The following ERBB4 variants were observed in gnomAD, a reference collection of about 807,000 sequenced individuals.
ERBB4 encodes receptor tyrosine-protein kinase erbB-4.
Under a neutral mutation model 158.0 loss-of-function variants are expected in ERBB4, and 42 were observed. That is an observed-to-expected ratio of 0.27 (90% CI 0.21 to 0.34). ERBB4 has a LOEUF of 0.34. Ranked by LOEUF, ERBB4 falls within the 10% of genes least tolerant of loss-of-function variation. ERBB4 has a pLI of 1.00. For synonymous variants in ERBB4, 583 were observed against 558.7 expected (o/e 1.04, Z -0.61); for missense variants, 1,333 against 1,624.1 (o/e 0.82, Z 3.08).
chr2:212,003,578 C>T (rs72937707), intron 2 of ERBB4, among the ~76,000 whole-genome samples: 1,924 of 152,194 alleles, frequency 0.013, 26 homozygotes, highest in Non-Finnish European at 0.019. Context: ...AGAGGCTACA[C>T]CCTTTACAAT....
intron 1 of ERBB4, among the ~76,000 whole-genome samples, chr2:212,366,395 T>A (rs567593443): frequency 6.6e-6 from 1 of 151,902 alleles, no homozygotes; most frequent in African/African-American, 2.4e-5. Context: ...ATAAAAATTA[T>A]GGGGAAAAAA....
intron 1 of ERBB4, among the ~76,000 whole-genome samples, chr2:212,262,910 T>C (rs1481707754): frequency 6.6e-6 from 1 of 152,202 alleles, no homozygotes; most frequent in Non-Finnish European, 1.5e-5. Flanking sequence ...GATACATTCA[T>C]GTTCATTTGC....
intron 3 of ERBB4, among the ~76,000 whole-genome samples, chr2:211,869,457 T>C (rs1280257057): frequency 1.3e-5 from 2 of 152,176 alleles, no homozygotes; most frequent in East Asian, 3.8e-4. Context: ...TAATAATAGT[T>C]ACATAGTTGA....
intron 1 of ERBB4, among the ~76,000 whole-genome samples, chr2:212,256,956 A>T (rs1330814964): frequency 6.6e-6 from 1 of 152,188 alleles, no homozygotes; most frequent in Admixed American, 6.5e-5. Flanking sequence ...GTGCATGTGC[A>T]GGTTTGTTAC....
intron 3 of ERBB4, among the ~76,000 whole-genome samples, chr2:211,946,367 T>C (rs1045908875): frequency 2.0e-5 from 3 of 152,012 alleles, no homozygotes; most frequent in South Asian, 4.1e-4. Flanking sequence ...ACAACATTCA[T>C]CTTGCTTTTT....
At chr2:211,565,736 G>T (rs1197426825) in intron 19 of ERBB4, among the ~76,000 whole-genome samples, 1 of 152,090 alleles carries the variant, frequency 6.6e-6, no homozygotes, top group Non-Finnish European at 1.5e-5. Context: ...AGGGTTTATC[G>T]TGAGGTTTAA....
chr2:212,386,857 T>G (rs2090693237), intron 1 of ERBB4, among the ~76,000 whole-genome samples: 1 of 152,090 alleles, frequency 6.6e-6, no homozygotes, highest in South Asian at 2.1e-4. Flanking sequence ...GTCTTGAAAT[T>G]ATGGATCTCT....
chr2:211,585,452 C>G (rs983383434), intron 19 of ERBB4, among the ~76,000 whole-genome samples: 3 of 151,460 alleles, frequency 2.0e-5, no homozygotes, highest in African/African-American at 7.3e-5. Flanking sequence ...AAATTGATTA[C>G]CAAATTAAAT....
chr2:211,657,197 C>G (rs750724276), intron 16 of ERBB4, among the ~76,000 whole-genome samples: 1 of 150,740 alleles, frequency 6.6e-6, no homozygotes, highest in African/African-American at 2.5e-5. Flanking sequence ...AACTCAAAAT[C>G]CTGTTTAGAC....
At chr2:211,553,864 A>C (rs2067169609) in intron 20 of ERBB4, among the ~76,000 whole-genome samples, 1 of 152,212 alleles carries the variant, frequency 6.6e-6, no homozygotes, top group Non-Finnish European at 1.5e-5. Context: ...TCTATGACCC[A>C]TAGTAGCTCC....
chr2:212,333,527 G>GA (rs80161582), intron 1 of ERBB4, among the ~76,000 whole-genome samples: 2,941 of 136,968 alleles, frequency 0.021, 32 homozygotes, highest in African/African-American at 0.04. Context: ...GAAAAAATAC[G>GA]AAAAAAAAAA....
chr2:212,391,711 T>G (rs901757939), intron 1 of ERBB4, among the ~76,000 whole-genome samples: 1 of 134,720 alleles, frequency 7.4e-6, no homozygotes, highest in African/African-American at 3.0e-5. Context: ...ATTATATATA[T>G]TGACATATAT....
intron 1 of ERBB4, among the ~76,000 whole-genome samples, chr2:212,192,103 A>ATGT (rs1260557409): frequency 4.1e-5 from 4 of 98,128 alleles, no homozygotes; most frequent in Admixed American, 1.3e-4. Flanking sequence ...TATAAGTTAT[A>ATGT]TATTATATAT....
At chr2:211,597,979 A>G (rs1279952785) in intron 19 of ERBB4, among the ~76,000 whole-genome samples, 3 of 152,174 alleles carry the variant, frequency 2.0e-5, no homozygotes, top group African/African-American at 7.2e-5. Context: ...AGAATAATTC[A>G]GTTAAAGTGG....
At chr2:212,016,160 A>T (rs1331418516) in intron 2 of ERBB4, among the ~76,000 whole-genome samples, 2 of 149,312 alleles carry the variant, frequency 1.3e-5, no homozygotes, top group Non-Finnish European at 3.0e-5. Context: ...ATATATTTTA[A>T]CTTTTTTTTT....
At chr2:212,415,157 C>T (rs993562674) in intron 1 of ERBB4, among the ~76,000 whole-genome samples, 6 of 151,974 alleles carry the variant, frequency 3.9e-5, no homozygotes, top group South Asian at 2.1e-4. Flanking sequence ...CTTTGGTATC[C>T]TAGAAGTGAA....
intron 15 of ERBB4, among the ~76,000 whole-genome samples, chr2:211,664,184 T>A (rs560429654): frequency 1.2e-4 from 18 of 152,314 alleles, no homozygotes; most frequent in African/African-American, 4.3e-4. Context: ...CAAATTGATG[T>A]TTTCTTGGCA....
chr2:212,340,572 C>A (rs1468332072), intron 1 of ERBB4, among the ~76,000 whole-genome samples: 3 of 152,174 alleles, frequency 2.0e-5, no homozygotes, highest in Non-Finnish European at 4.4e-5. Context: ...AGATTCCTTG[C>A]ATGCGCAGTT....
chr2:211,661,160 A>G (rs2071409398), intron 15 of ERBB4, among the ~76,000 whole-genome samples: 1 of 152,196 alleles, frequency 6.6e-6, no homozygotes, highest in South Asian at 2.1e-4. Flanking sequence ...AAAGAAAAAA[A>G]TGAAAGACAA....
Sources: gnomAD v4.1 joint callset for allele counts (sites outside exome capture counted in the v4.1 genomes callset) on GRCh38, gnomAD v4.1.1 for gene constraint, MANE v1.5 for transcripts, NCBI Gene and HGNC (gene_info 2026-07-23, HGNC 2026-07-21) for gene names.